RBPJ: variants seen among roughly 807,000 people sequenced by gnomAD.
RBPJ encodes the protein recombination signal binding protein for immunoglobulin kappa J region.
Under a neutral mutation model 67.8 loss-of-function variants are expected in RBPJ, and 9 were observed. The observed-to-expected ratio is 0.13, with a 90% CI of 0.08 to 0.23. The LOEUF (loss-of-function observed/expected upper bound fraction) is 0.23. RBPJ is among the 10% of genes least tolerant of loss of function. The pLI, the probability that RBPJ is intolerant of heterozygous loss-of-function variation, is 1.00. For missense variants in RBPJ, 305 were observed against 595.6 expected, an observed-to-expected ratio of 0.51 and a Z score of 5.08; for synonymous variants, 198 against 203.3, an observed-to-expected ratio of 0.97 and a Z score of 0.22.
chr4:26,156,452 T>C, the RBPJ span, among the ~76,000 whole-genome samples: 1 of 128,390 alleles, frequency 7.8e-6, no homozygotes, highest in African/African-American at 2.9e-5. Flanking sequence ...AGAGTCTCAC[T>C]CTGTAACCCA....
chr4:26,214,272 A>AAGAG (rs1051599339), intron 1 of RBPJ, among the ~76,000 whole-genome samples: 6 of 148,422 alleles, frequency 4.0e-5, no homozygotes, highest in African/African-American at 1.5e-4. Flanking sequence ...GAAAGAAAGA[A>AAGAG]AGAGAAAGGA....
intron 1 of RBPJ, among the ~76,000 whole-genome samples, chr4:26,167,067 C>T (rs1229816232): frequency 1.3e-5 from 2 of 151,944 alleles, no homozygotes; most frequent in East Asian, 1.9e-4. Flanking sequence ...TCTGTTCCAT[C>T]GATCTATAGC....
At chr4:26,301,703 A>G (rs1722084972) in intron 1 of RBPJ, among the ~76,000 whole-genome samples, 1 of 152,152 alleles carries the variant, frequency 6.6e-6, no homozygotes, top group African/African-American at 2.4e-5. Context: ...CAGTTTTGCA[A>G]TTTGTCACAT....
At chr4:26,124,461 T>TATATATATATATAC in the RBPJ span, among the ~76,000 whole-genome samples, 5 of 121,328 alleles carry the variant, frequency 4.1e-5, no homozygotes, top group Admixed American at 8.6e-5. Context: ...TATATATATA[T>TATATATATATATAC]ACCAGTTTCT....
At chr4:26,260,203 A>C (rs1470071960) in intron 1 of RBPJ, among the ~76,000 whole-genome samples, 2 of 152,340 alleles carry the variant, frequency 1.3e-5, no homozygotes, top group East Asian at 3.9e-4. Context: ...GTATGTTTAG[A>C]AGGGAATTGT....
chr4:26,237,801 A>G (rs575462294), intron 1 of RBPJ, among the ~76,000 whole-genome samples: 18 of 152,312 alleles, frequency 1.2e-4, no homozygotes, highest in African/African-American at 3.6e-4. Flanking sequence ...TTGGATCCCA[A>G]TAAGAGTTTG....
At chr4:26,351,307 T>G (rs1726776236) in intron 1 of RBPJ, among the ~76,000 whole-genome samples, 1 of 152,142 alleles carries the variant, frequency 6.6e-6, no homozygotes, top group Non-Finnish European at 1.5e-5. Context: ...AGGCAAATAT[T>G]CATACTAACA....
At chr4:26,118,243 C>T in the RBPJ span, among the ~76,000 whole-genome samples, 1 of 152,166 alleles carries the variant, frequency 6.6e-6, no homozygotes, top group South Asian at 2.1e-4. Flanking sequence ...TCTGGAAACC[C>T]TGGCTGTAGT....
chr4:26,425,773 T>C (rs959424178), intron 7 of RBPJ, among the ~76,000 whole-genome samples: 6 of 152,186 alleles, frequency 3.9e-5, no homozygotes, highest in African/African-American at 1.4e-4. Context: ...TGAGTAAGTT[T>C]GATTCAAGGT....
Position 26,428,753 on chromosome 4 carries a change from T to C in RBPJ, c.781T>C (p.Leu261=), listed in dbSNP as rs1041184768. 3.7e-6 allele frequency: 6 copies of C among 1,610,686 alleles called. No homozygotes were observed. Among genetic ancestry groups the C allele is most frequent in the Non-Finnish European group, 5.1e-6 (6 of 1,177,774 alleles). Reference sequence around the variant, plus strand: ...GAAAGTTGATAAGCAGACCGCATTATTGGATGCAGATGATCCTGTGTCACA... The same window carrying C: ...GAAAGTTGATAAGCAGACCGCATTACTGGATGCAGATGATCCTGTGTCACA... ...IRKVDKQTAL[L]DADDPVSQLH... is the part of the protein sequence containing the mutation. The change falls in exon 8 of 11, where the codon TTG becomes CTG. Residue 261 remains leucine (L), a synonymous_variant. Coordinates refer to ENST00000355476, the MANE Select transcript of RBPJ (RefSeq NM_015874.6).
At chr4:26,125,798 CAA>C in the RBPJ span, among the ~76,000 whole-genome samples, 184 of 138,584 alleles carry the variant, frequency 1.3e-3, no homozygotes, top group Non-Finnish European at 1.6e-3. Context: ...GACTCCATTT[CAA>C]AAAAAAAAAA....
intron 1 of RBPJ, among the ~76,000 whole-genome samples, chr4:26,194,585 C>T (rs929405718): frequency 7.2e-5 from 11 of 152,222 alleles, no homozygotes; most frequent in African/African-American, 2.4e-4. Flanking sequence ...GAAAGCTCAG[C>T]CATCCCCCCA....
intron 1 of RBPJ, among the ~76,000 whole-genome samples, chr4:26,249,657 TCA>T (rs1006130418): frequency 6.6e-6 from 1 of 151,910 alleles, no homozygotes; most frequent in Non-Finnish European, 1.5e-5. Context: ...TGCGACTCTG[TCA>T]CACACACACA....
chr4:26,417,964 A>G (rs1734755671), intron 4 of RBPJ, among the ~76,000 whole-genome samples: 1 of 152,152 alleles, frequency 6.6e-6, no homozygotes, highest in African/African-American at 2.4e-5. Flanking sequence ...TGGATCTTAG[A>G]TTTTGTGTAA....
intron 1 of RBPJ, among the ~76,000 whole-genome samples, chr4:26,361,897 G>A (rs1210114395): frequency 6.6e-6 from 1 of 152,198 alleles, no homozygotes; most frequent in African/African-American, 2.4e-5. Context: ...GAGAATGGCG[G>A]TAAAACTTGA....
At chr4:26,316,827 CTTTTTTTTTTTTT>C (rs56130072), upstream of RBPJ, among the ~76,000 whole-genome samples, 3 of 71,396 alleles carry the variant, frequency 4.2e-5, no homozygotes, top group African/African-American at 1.1e-4. Context: ...ACCCAGACGA[CTTTTTTTTTTTTT>C]TTTTTTTTTT....
upstream of RBPJ, chr4:26,320,681 C>A (rs1286270736): frequency 8.7e-6 from 13 of 1,495,826 alleles, no homozygotes; most frequent in South Asian, 5.2e-5. Flanking sequence ...CCGTAGTAAT[C>A]CCCTCCGGTT....
At chr4:26,112,899 C>T in the RBPJ span, among the ~76,000 whole-genome samples, 3 of 151,652 alleles carry the variant, frequency 2.0e-5, no homozygotes, top group African/African-American at 7.3e-5. Context: ...GTTGAGACTA[C>T]AGGTCTCACA....
chr4:26,276,355 C>A (rs1253586871), intron 1 of RBPJ, among the ~76,000 whole-genome samples: 4 of 151,926 alleles, frequency 2.6e-5, no homozygotes, highest in African/African-American at 9.7e-5. Flanking sequence ...TTTAAGGTCT[C>A]TGATTTTAAA....
Sources: gnomAD v4.1 joint callset for allele counts (sites outside exome capture counted in the v4.1 genomes callset) on GRCh38, gnomAD v4.1.1 for gene constraint, MANE v1.5 for transcripts, NCBI Gene and HGNC (gene_info 2026-07-23, HGNC 2026-07-21) for gene names.